Variants in PTPRD observed in about 807,000 individuals in gnomAD.
The protein encoded by PTPRD is protein tyrosine phosphatase receptor type D.
PTPRD carries 34 observed loss-of-function variants against 214.5 expected under a neutral mutation model. That is an observed-to-expected ratio of 0.16 (90% confidence interval 0.12 to 0.21). PTPRD has a LOEUF of 0.21. Ranked by LOEUF, PTPRD falls within the 10% of genes least tolerant of loss-of-function variation. The probability of loss-of-function intolerance (pLI) is 1.00; values close to 1 mark genes in which losing one functional copy is unlikely to be tolerated. For synonymous variants in PTPRD, 1,128 were observed against 845.7 expected, an observed-to-expected ratio of 1.33 and a Z score of -5.79; for missense variants, 2,545 against 2,398.7, an observed-to-expected ratio of 1.06 and a Z score of -1.27.
chr9:9,417,356 T>C (rs1054874444), intron 8 of PTPRD, among the ~76,000 whole-genome samples: 9 of 152,104 alleles, frequency 5.9e-5, no homozygotes, highest in Admixed American at 4.6e-4. Context: ...TAAAATCAAT[T>C]CTAATTTTAC....
chr9:10,195,737 C>A (rs2099395496), intron 3 of PTPRD, among the ~76,000 whole-genome samples: 2 of 151,896 alleles, frequency 1.3e-5, no homozygotes, highest in South Asian at 4.1e-4. Context: ...AGTAAAGAAG[C>A]CATGGGGAAG....
At chr9:9,424,793 C>T (rs4740982) in intron 8 of PTPRD, among the ~76,000 whole-genome samples, 120,942 of 152,104 alleles carry the variant, frequency 0.8, 48,241 homozygotes, top group Non-Finnish European at 0.81. Context: ...TAAAATTGCA[C>T]TTCTACAGAC....
chr9:8,774,781 G>A (rs1001374644), intron 11 of PTPRD, among the ~76,000 whole-genome samples: 8 of 151,896 alleles, frequency 5.3e-5, no homozygotes, highest in South Asian at 2.1e-4. Context: ...TGATCCCCCC[G>A]CCTCGGCCTC....
chr9:9,667,987 A>G (rs1594749892), intron 7 of PTPRD, among the ~76,000 whole-genome samples: 1 of 152,154 alleles, frequency 6.6e-6, no homozygotes, highest in Admixed American at 6.6e-5. Context: ...CCTGCAGTAA[A>G]ATAAAATTCT....
chr9:8,423,427 T>C (rs2094481179), intron 35 of PTPRD, among the ~76,000 whole-genome samples: 2 of 152,192 alleles, frequency 1.3e-5, no homozygotes, highest in Admixed American at 1.3e-4. Context: ...ACAGCTCCTA[T>C]CTTTTCAAAT....
chr9:9,133,955 A>G (rs1462236935), intron 10 of PTPRD, among the ~76,000 whole-genome samples: 1 of 152,048 alleles, frequency 6.6e-6, no homozygotes, highest in Non-Finnish European at 1.5e-5. Context: ...TAGATCTCTC[A>G]GACTTAACAT....
At chr9:9,316,556 A>G (rs1171117264) in intron 9 of PTPRD, among the ~76,000 whole-genome samples, 1 of 152,140 alleles carries the variant, frequency 6.6e-6, no homozygotes, top group African/African-American at 2.4e-5. Context: ...TACACACAAG[A>G]CCAGTTTTTA....
chr9:8,677,590 T>G (rs1001542653), intron 12 of PTPRD, among the ~76,000 whole-genome samples: 2 of 152,088 alleles, frequency 1.3e-5, no homozygotes, highest in Non-Finnish European at 2.9e-5. Context: ...GATGAAATAA[T>G]AAGTACACCA....
chr9:8,911,937 A>G (rs1040991090), intron 11 of PTPRD, among the ~76,000 whole-genome samples: 6 of 152,198 alleles, frequency 3.9e-5, no homozygotes, highest in African/African-American at 1.2e-4. Flanking sequence ...ATAAATGCCC[A>G]TTAAAACTGC....
At chr9:10,114,246 G>T (rs2098712988) in intron 3 of PTPRD, among the ~76,000 whole-genome samples, 1 of 152,148 alleles carries the variant, frequency 6.6e-6, no homozygotes, top group African/African-American at 2.4e-5. Context: ...AGGATAAAAT[G>T]AGATAAGACA....
intron 2 of PTPRD, among the ~76,000 whole-genome samples, chr9:10,519,175 C>T (rs1035844566): frequency 2.8e-5 from 4 of 145,148 alleles, no homozygotes; most frequent in African/African-American, 1.0e-4. Context: ...ATATCCTCCT[C>T]CAGCTTTGCC....
In PTPRD at chr9:9,543,425, C is replaced by T. The variant is rs1185008291; in HGVS notation, c.-237+31307G>A. 2.0e-5 allele frequency among the ~76,000 whole-genome samples: 3 copies of T among 151,496 alleles called. No individual in the cohort carries two copies. In the Admixed American group the frequency reaches 2.0e-4, roughly 10 times the overall value. ...ATAAACAATTGCTAAATTCTCTGGG[C>T]TTCACATTATATCAATATCATGTAT... On this transcript the variant is annotated intron_variant, in intron 8 of 45. Transcript: ENST00000381196.
At chr9:9,881,354 T>G (rs970444000) in intron 5 of PTPRD, among the ~76,000 whole-genome samples, 4 of 152,148 alleles carry the variant, frequency 2.6e-5, no homozygotes, top group Non-Finnish European at 5.9e-5. Flanking sequence ...TGATTACTAT[T>G]TTGCCTATCT....
intron 2 of PTPRD, among the ~76,000 whole-genome samples, chr9:10,479,658 T>TACATAAATAAACAAAC (rs1555402920): frequency 2.9e-4 from 43 of 145,916 alleles, no homozygotes; most frequent in Middle Eastern, 3.6e-3. Context: ...AATAAATAAA[T>TACATAAATAAACAAAC]AAACAAAAAT....
chr9:10,495,910 G>C (rs906274674), intron 2 of PTPRD, among the ~76,000 whole-genome samples: 1 of 151,678 alleles, frequency 6.6e-6, no homozygotes. Flanking sequence ...CTACCATATA[G>C]AGAAATACAA....
chr9:8,432,103 T>C (rs1396398748), intron 35 of PTPRD, among the ~76,000 whole-genome samples: 1 of 152,206 alleles, frequency 6.6e-6, no homozygotes, highest in East Asian at 1.9e-4. Flanking sequence ...TAAGATTTTG[T>C]TTGGCAAGGT....
At chr9:10,606,535 T>G (rs1466618179) in intron 2 of PTPRD, among the ~76,000 whole-genome samples, 1 of 148,964 alleles carries the variant, frequency 6.7e-6, no homozygotes, top group Non-Finnish European at 1.5e-5. Context: ...TTTATTTTCT[T>G]TTTTTTTTTT....
chr9:9,919,617 G>C (rs1484186718), intron 5 of PTPRD, among the ~76,000 whole-genome samples: 1 of 152,094 alleles, frequency 6.6e-6, no homozygotes, highest in Non-Finnish European at 1.5e-5. Flanking sequence ...TGCAGCAGAT[G>C]GAAATGGAAA....
chr9:9,647,742 C>T (rs1488786395), intron 7 of PTPRD, among the ~76,000 whole-genome samples: 1 of 152,112 alleles, frequency 6.6e-6, no homozygotes, highest in East Asian at 1.9e-4. Flanking sequence ...ACCTTTTTGT[C>T]TTGGCTTTAT....
Sources: gnomAD v4.1 joint callset for allele counts (sites outside exome capture counted in the v4.1 genomes callset) on GRCh38, gnomAD v4.1.1 for gene constraint, MANE v1.5 for transcripts, NCBI Gene and HGNC (gene_info 2026-07-23, HGNC 2026-07-21) for gene names.